The following ADGRV1 variants were observed in gnomAD, a reference collection of about 807,000 sequenced individuals.
The protein encoded by ADGRV1 is adhesion G protein-coupled receptor V1.
Under a neutral mutation model 596.2 loss-of-function variants are expected in ADGRV1, and 359 were observed. That is an observed-to-expected ratio of 0.60 (90% CI 0.55 to 0.66). The LOEUF (loss-of-function observed/expected upper bound fraction) is 0.66. ADGRV1 is among the 30% of genes least tolerant of loss of function. The pLI, the probability that ADGRV1 is intolerant of heterozygous loss-of-function variation, is 0.00. For synonymous variants in ADGRV1, 2,681 were observed against 2,679.2 expected, an observed-to-expected ratio of 1.00 and a Z score of -0.02; for missense variants, 7,274 against 7,575.6, an observed-to-expected ratio of 0.96 and a Z score of 1.48.
chr5:90,602,484 T>G (rs1761536323), intron 1 of ADGRV1, among the ~76,000 whole-genome samples: 1 of 152,190 alleles, frequency 6.6e-6, no homozygotes, highest in South Asian at 2.1e-4. Flanking sequence ...GAGAAAGTCT[T>G]TTTGCCTTTT....
chr5:90,767,528 C>T (rs1280008695), intron 59 of ADGRV1, among the ~76,000 whole-genome samples: 1 of 152,132 alleles, frequency 6.6e-6, no homozygotes, highest in Non-Finnish European at 1.5e-5. Context: ...GTGAAATTGG[C>T]TCTAGCAGAT....
At chr5:90,803,709 A>T (rs1198325269) in intron 71 of ADGRV1, among the ~76,000 whole-genome samples, 4 of 152,202 alleles carry the variant, frequency 2.6e-5, no homozygotes, top group Non-Finnish European at 5.9e-5. Flanking sequence ...TGGCTATTAA[A>T]ATAACTGAGA....
chr5:91,057,190 C>G (rs1038616580), intron 85 of ADGRV1, among the ~76,000 whole-genome samples: 78 of 152,302 alleles, frequency 5.1e-4, no homozygotes, highest in African/African-American at 1.9e-3. Flanking sequence ...ATGATACCTT[C>G]CCAAATGGGA....
chr5:90,946,220 C>G (rs956525530), intron 83 of ADGRV1, among the ~76,000 whole-genome samples: 2 of 151,778 alleles, frequency 1.3e-5, no homozygotes, highest in Non-Finnish European at 2.9e-5. Context: ...ACCGCAGTGC[C>G]GCAGCTGAGT....
intron 85 of ADGRV1, among the ~76,000 whole-genome samples, chr5:91,069,674 C>CT (rs1229377070): frequency 6.6e-6 from 1 of 152,166 alleles, no homozygotes; most frequent in Non-Finnish European, 1.5e-5. Flanking sequence ...ATATAAATTA[C>CT]TTCAGACCCT....
At chr5:90,612,685 A>C (rs917205208) in intron 1 of ADGRV1, among the ~76,000 whole-genome samples, 1 of 152,096 alleles carries the variant, frequency 6.6e-6, no homozygotes, top group African/African-American at 2.4e-5. Context: ...TGTTATGATC[A>C]CTCTGTAAAA....
intron 20 of ADGRV1, chr5:90,655,128 G>C (rs1054333523): frequency 1.3e-5 from 2 of 152,222 alleles, no homozygotes; most frequent in African/African-American, 4.8e-5. Context: ...AAATTCATCA[G>C]TTTCAGCACT....
intron 59 of ADGRV1, among the ~76,000 whole-genome samples, chr5:90,769,775 T>G (rs1025430167): frequency 2.2e-4 from 33 of 152,174 alleles, no homozygotes; most frequent in Non-Finnish European, 1.5e-5. Flanking sequence ...TTAAAAAATT[T>G]TGTAAGGGCT....
chr5:90,814,979 C>A (rs1256126749), intron 74 of ADGRV1, among the ~76,000 whole-genome samples: 1 of 79,682 alleles, frequency 1.3e-5, no homozygotes, highest in Non-Finnish European at 2.7e-5. Context: ...TAGTTTTGTT[C>A]CAGTTTAAAC....
intron 87 of ADGRV1, among the ~76,000 whole-genome samples, chr5:91,118,572 C>T (rs1793047847): frequency 6.6e-6 from 1 of 152,046 alleles, no homozygotes; most frequent in Non-Finnish European, 1.5e-5. Flanking sequence ...GAGCTCAGAG[C>T]AGCATGAAAG....
At chr5:91,046,277 G>T (rs1259779237) in intron 85 of ADGRV1, among the ~76,000 whole-genome samples, 1 of 152,080 alleles carries the variant, frequency 6.6e-6, no homozygotes, top group African/African-American at 2.4e-5. Flanking sequence ...ATGATATAAG[G>T]CCATTGTCAC....
At chr5:90,592,320 A>G (rs896031043) in intron 1 of ADGRV1, among the ~76,000 whole-genome samples, 1 of 152,232 alleles carries the variant, frequency 6.6e-6, no homozygotes, top group African/African-American at 2.4e-5. Context: ...AGCAACCTGG[A>G]TGGAATTGGA....
At chr5:90,635,426 A>G (rs1268881514) in intron 10 of ADGRV1, 136 bp downstream of exon 10, 2 of 696,152 alleles carry the variant, frequency 2.9e-6, no homozygotes, top group African/African-American at 3.6e-5. Context: ...TCAGTATGTC[A>G]TTTGAAATAG....
intron 83 of ADGRV1, among the ~76,000 whole-genome samples, chr5:90,930,632 G>A (rs145432065): frequency 1.1e-4 from 17 of 152,196 alleles, no homozygotes; most frequent in African/African-American, 3.6e-4. Flanking sequence ...ATACTAGAGA[G>A]TTATTTCTAA....
At chr5:90,697,253 A>G in intron 34 of ADGRV1, 107 bp downstream of exon 34, 1 of 1,026,238 alleles carries the variant, frequency 9.7e-7, no homozygotes, top group Non-Finnish European at 1.4e-6. Flanking sequence ...ATTTTGTTGA[A>G]CTGTGTGTGT....
At chr5:91,011,005 A>G (rs1782674922) in intron 85 of ADGRV1, among the ~76,000 whole-genome samples, 1 of 152,000 alleles carries the variant, frequency 6.6e-6, no homozygotes, top group Admixed American at 6.6e-5. Context: ...AATTTATGTT[A>G]CAATTGTTAA....
chr5:91,052,796 A>C (rs947191877), intron 85 of ADGRV1, among the ~76,000 whole-genome samples: 1 of 152,172 alleles, frequency 6.6e-6, no homozygotes, highest in Admixed American at 6.5e-5. Context: ...GTCCAGTTGT[A>C]GTTTAAGAGA....
At chr5:90,559,311 C>A (rs1754501480) in intron 1 of ADGRV1, among the ~76,000 whole-genome samples, 1 of 152,038 alleles carries the variant, frequency 6.6e-6, no homozygotes, top group Non-Finnish European at 1.5e-5. Flanking sequence ...AGACCAAGAA[C>A]GGTGCGCCAT....
At chr5:90,811,362 TA>T in intron 74 of ADGRV1, 24 bp downstream of exon 74, 1 of 1,535,766 alleles carries the variant, frequency 6.5e-7, no homozygotes. Flanking sequence ...ATGATGGAGA[TA>T]AAAATATACT....
Sources: gnomAD v4.1 joint callset for allele counts (sites outside exome capture counted in the v4.1 genomes callset) on GRCh38, gnomAD v4.1.1 for gene constraint, MANE v1.5 for transcripts, NCBI Gene and HGNC (gene_info 2026-07-23, HGNC 2026-07-21) for gene names.